Variants in EYA1 observed in about 807,000 individuals in gnomAD.
The protein encoded by EYA1 is protein phosphatase EYA1.
EYA1 carries 16 observed loss-of-function variants against 82.0 expected under a neutral mutation model. The observed-to-expected ratio is 0.20, with a 90% CI of 0.13 to 0.30. The LOEUF (loss-of-function observed/expected upper bound fraction) is 0.30, where lower values mean the gene tolerates loss of function less well. EYA1 is among the 10% of genes least tolerant of loss of function. The pLI, the probability that EYA1 is intolerant of heterozygous loss-of-function variation, is 1.00. For missense variants in EYA1, 633 were observed against 730.7 expected (o/e 0.87, Z 1.54); for synonymous variants, 261 against 264.4 (o/e 0.99, Z 0.12).
At chr8:71,462,831 C>A (rs183379000) in intron 2 of EYA1, among the ~76,000 whole-genome samples, 1 of 152,118 alleles carries the variant, frequency 6.6e-6, no homozygotes. Context: ...GCACAGAGGA[C>A]CAGCGTCTGC....
chr8:71,541,666 G>A (rs991909833), intron 1 of EYA1, among the ~76,000 whole-genome samples: 3 of 152,206 alleles, frequency 2.0e-5, no homozygotes, highest in Admixed American at 2.0e-4. Flanking sequence ...AGGGATTTGA[G>A]AAAGTGGTAT....
Position 71,452,252 on chromosome 8 carries a change from A to G in EYA1, c.33+83492T>C, listed in dbSNP as rs1262264499. Among the ~76,000 whole-genome samples the G allele has an allele frequency of 3.4e-4, 51 of 152,218 alleles. 2 individuals carry two copies. Among genetic ancestry groups the G allele is most frequent in the Non-Finnish European group, 1.5e-4 (10 of 68,032 alleles). ...CGCCCGCCATTGCTGAGGCTTGAGTAGGTAAACAAAGTGGCCAAGAAGCTT... is the reference window on the plus strand; with the variant it reads ...CGCCCGCCATTGCTGAGGCTTGAGTGGGTAAACAAAGTGGCCAAGAAGCTT... On this transcript the variant is annotated intron_variant, in intron 2 of 18. Transcript: ENST00000643681.
intron 2 of EYA1, among the ~76,000 whole-genome samples, chr8:71,418,534 C>T (rs921797294): frequency 2.3e-4 from 35 of 152,092 alleles, no homozygotes; most frequent in Non-Finnish European, 4.4e-5. Flanking sequence ...CTTAATTTAC[C>T]TTTCCACCTC....
At chr8:71,244,487 C>T (rs1812839123) in intron 12 of EYA1, 116 bp downstream of exon 12, 1 of 655,586 alleles carries the variant, frequency 1.5e-6, no homozygotes. Context: ...ATATTACCAA[C>T]AAACCTCTGT....
At chr8:71,444,632 C>T (rs902763413) in intron 2 of EYA1, among the ~76,000 whole-genome samples, 8 of 152,136 alleles carry the variant, frequency 5.3e-5, no homozygotes, top group Admixed American at 3.3e-4. Context: ...TAACTTGGTA[C>T]GAGGTGACTG....
At chr8:71,341,427 T>A (rs1825114844) in intron 3 of EYA1, among the ~76,000 whole-genome samples, 1 of 152,134 alleles carries the variant, frequency 6.6e-6, no homozygotes, top group African/African-American at 2.4e-5. Context: ...GTCAAATGAT[T>A]TAAAAAGGGG....
Position 71,197,822 on chromosome 8 carries a change from G to GTGTT in EYA1, c.*1514_*1517dup, listed in dbSNP as rs1489368615. 7 of 152,698 alleles carry GTGTT rather than the reference G, an allele frequency of 4.6e-5. No homozygotes were observed. Among genetic ancestry groups the GTGTT allele is most frequent in the South Asian group, 2.1e-4 (1 of 4,824 alleles). The allele number at this position is 152,698 out of a possible 1,614,324, so 9.5% of individuals were successfully genotyped here. A position where few individuals can be genotyped will look rare whatever the true frequency, so the allele number is the denominator to read the frequency against. On this transcript the variant is annotated 3_prime_UTR_variant, in exon 18 of 18. Transcript: ENST00000340726. ...AAGGGTAATTTCATGACAATGGATT[G>GTGTT]TGTTTGTTAGATGAGAGAAAATATT... is the stretch of plus-strand genomic sequence containing the variant.
chr8:71,388,072 C>T (rs1829065626), intron 2 of EYA1, among the ~76,000 whole-genome samples: 1 of 152,164 alleles, frequency 6.6e-6, no homozygotes, highest in African/African-American at 2.4e-5. Context: ...TTATATTCTA[C>T]CCATCTTCTA....
At chr8:71,249,693 C>T (rs1364979177) in intron 11 of EYA1, among the ~76,000 whole-genome samples, 1 of 152,136 alleles carries the variant, frequency 6.6e-6, no homozygotes, top group Non-Finnish European at 1.5e-5. Flanking sequence ...TTCAGATCAC[C>T]TTGTGGACTC....
At chr8:71,397,432 G>T (rs993972842) in intron 2 of EYA1, among the ~76,000 whole-genome samples, 6 of 152,278 alleles carry the variant, frequency 3.9e-5, no homozygotes, top group Non-Finnish European at 7.4e-5. Context: ...GGTACTAGTT[G>T]TTCCTTTCCA....
rs1812378222 is a variant in EYA1, at chr8:71,240,687, CAGA to C, written c.1140+3913_1140+3915del. ...AGTGAAATCATATTCCTTAACCAGACAGAAGAAGAAAATTCAACATGAACTTAA... is the reference window on the plus strand; with the variant it reads ...AGTGAAATCATATTCCTTAACCAGACAGAAGAAAATTCAACATGAACTTAA... On this transcript the variant is annotated intron_variant, in intron 12 of 17. Coordinates refer to ENST00000340726, the MANE Select transcript of EYA1 (RefSeq NM_000503.6). Among the ~76,000 whole-genome samples the C allele has an allele frequency of 2.0e-5, 3 of 152,138 alleles. No individual in the cohort carries two copies. In the South Asian group the frequency reaches 6.2e-4, roughly 32 times the overall value.
At chr8:71,430,300 A>T (rs551420457) in intron 2 of EYA1, among the ~76,000 whole-genome samples, 1 of 152,204 alleles carries the variant, frequency 6.6e-6, no homozygotes, top group Non-Finnish European at 1.5e-5. Context: ...TTTTATCTTC[A>T]TGTTACAGTT....
chr8:71,233,307 G>A (rs1811422378), intron 12 of EYA1, among the ~76,000 whole-genome samples: 1 of 152,014 alleles, frequency 6.6e-6, no homozygotes, highest in African/African-American at 2.4e-5. Context: ...GCTCATGCCT[G>A]TAATCCCAGC....
intron 10 of EYA1, chr8:71,270,099 C>T (rs886146285): frequency 1.4e-5 from 5 of 345,840 alleles, no homozygotes; most frequent in South Asian, 9.6e-5. Flanking sequence ...AATAGAATTT[C>T]GGTCTCAGCT....
intron 11 of EYA1, among the ~76,000 whole-genome samples, chr8:71,254,825 G>A (rs997470843): frequency 5.6e-4 from 85 of 151,796 alleles, no homozygotes; most frequent in Admixed American, 3.9e-3. Context: ...AGAAAGCCCC[G>A]AAGACCTCCC....
chr8:71,471,533 A>C (rs1809211441), intron 2 of EYA1, among the ~76,000 whole-genome samples: 1 of 152,090 alleles, frequency 6.6e-6, no homozygotes, highest in Non-Finnish European at 1.5e-5. Flanking sequence ...AAACCTGGGA[A>C]AATAACTGTT....
chr8:71,345,695 AAGAT>A (rs1219598768), intron 3 of EYA1, among the ~76,000 whole-genome samples: 3 of 152,182 alleles, frequency 2.0e-5, no homozygotes, highest in Non-Finnish European at 4.4e-5. Flanking sequence ...TGTTCAGAAA[AAGAT>A]AATAATATGT....
chr8:71,336,671 G>A (rs1385854355), intron 3 of EYA1, among the ~76,000 whole-genome samples: 1 of 152,142 alleles, frequency 6.6e-6, no homozygotes, highest in African/African-American at 2.4e-5. Flanking sequence ...GAAAGGAAGA[G>A]GATACTTTTC....
intron 2 of EYA1, among the ~76,000 whole-genome samples, chr8:71,510,200 G>A (rs1048368625): frequency 6.6e-6 from 1 of 152,120 alleles, no homozygotes; most frequent in African/African-American, 2.4e-5. Flanking sequence ...GACTCAAAAT[G>A]ATGAGAGACT....
Sources: allele counts gnomAD v4.1 joint callset (sites outside exome capture counted in the v4.1 genomes callset), GRCh38; gene constraint gnomAD v4.1.1; transcripts MANE v1.5; gene names NCBI Gene and HGNC (gene_info 2026-07-23, HGNC 2026-07-21).